The following CMC1 variants were observed in gnomAD, a reference collection of about 807,000 sequenced individuals.
CMC1 encodes the protein COX assembly mitochondrial protein homolog.
CMC1 carries 14 observed loss-of-function variants against 14.1 expected under a neutral mutation model. That is an observed-to-expected ratio of 0.99 (90% CI 0.66 to 1.55). CMC1 has a LOEUF of 1.55. Ranked by LOEUF, CMC1 falls within the 40% of genes most tolerant of loss-of-function variation. CMC1 has a pLI of 0.00. For missense variants in CMC1, 127 were observed against 123.8 expected (o/e 1.03, Z -0.12); for synonymous variants, 50 against 38.4 (o/e 1.30, Z -1.12).
intron 2 of CMC1, among the ~76,000 whole-genome samples, chr3:28,304,767 A>G (rs950209901): frequency 6.6e-6 from 1 of 152,092 alleles, no homozygotes; most frequent in Non-Finnish European, 1.5e-5. Flanking sequence ...GCAAGCCCCA[A>G]TTTTTATTCC....
chr3:28,266,390 T>A (rs1301979827), intron 2 of CMC1, among the ~76,000 whole-genome samples: 1 of 152,174 alleles, frequency 6.6e-6, no homozygotes, highest in Non-Finnish European at 1.5e-5. Context: ...TACAAAAAAA[T>A]TTTAGCTTTT....
intron 1 of CMC1, among the ~76,000 whole-genome samples, chr3:28,251,025 A>T (rs187604833): frequency 2.0e-5 from 3 of 152,212 alleles, no homozygotes; most frequent in African/African-American, 7.2e-5. Context: ...GGTGAAGGTG[A>T]TAGACGATCA....
At chr3:28,272,630 T>C (rs1199157468) in intron 2 of CMC1, among the ~76,000 whole-genome samples, 1 of 152,196 alleles carries the variant, frequency 6.6e-6, no homozygotes, top group Non-Finnish European at 1.5e-5. Context: ...GCCAGTATTT[T>C]ATTGAGGATT....
At chr3:28,283,551 CAAAAAAA>C (rs5847510) in intron 2 of CMC1, among the ~76,000 whole-genome samples, 1 of 118,282 alleles carries the variant, frequency 8.5e-6, no homozygotes, top group African/African-American at 3.1e-5. Flanking sequence ...ACAACAAAAA[CAAAAAAA>C]AAAAAAAAAG....
chr3:28,276,192 G>A, intron 2 of CMC1, among the ~76,000 whole-genome samples: 1 of 152,108 alleles, frequency 6.6e-6, no homozygotes, highest in Non-Finnish European at 1.5e-5. Context: ...CATTCTTGGT[G>A]GGAGCCTTTG....
At chr3:28,250,529 C>T (rs1476560532) in intron 1 of CMC1, among the ~76,000 whole-genome samples, 1 of 152,256 alleles carries the variant, frequency 6.6e-6, no homozygotes. Flanking sequence ...TGTTTGTAAA[C>T]CAGTTCCATC....
Position 28,322,752 on chromosome 3 carries a change from T to TAAG in CMC1, c.*3125_*3127dup, listed in dbSNP as rs1703225651. The TAAG allele has an allele frequency of 6.6e-6, 1 of 151,588 alleles. No homozygotes were observed. Among genetic ancestry groups the TAAG allele is most frequent in the South Asian group, 2.1e-4 (1 of 4,830 alleles). The allele number at this position is 151,588 out of a possible 1,614,324, so 9.4% of individuals were successfully genotyped here. ...AATCACAGACAAGCTTGAATAAGTG[T>TAAG]AAGATAATAGAAAAAAATATCTAGT... is the stretch of plus-strand genomic sequence containing the variant. On this transcript the variant is annotated 3_prime_UTR_variant, in exon 4 of 4. Coordinates refer to ENST00000466830, the MANE Select transcript of CMC1 (RefSeq NM_182523.2).
intron 2 of CMC1, among the ~76,000 whole-genome samples, chr3:28,272,755 C>T (rs140654504): frequency 6.6e-6 from 1 of 152,022 alleles, no homozygotes; most frequent in Admixed American, 6.6e-5. Flanking sequence ...GTGATCTTGG[C>T]TCACTGCAAA....
intron 2 of CMC1, among the ~76,000 whole-genome samples, chr3:28,313,057 A>C (rs1167317773): frequency 6.6e-6 from 1 of 151,926 alleles, no homozygotes. Flanking sequence ...GGATTTCACC[A>C]TGTTGGCCAG....
intron 2 of CMC1, among the ~76,000 whole-genome samples, chr3:28,297,636 G>C (rs557951226): frequency 6.6e-6 from 1 of 152,046 alleles, no homozygotes; most frequent in Non-Finnish European, 1.5e-5. Context: ...GAGCCATTAC[G>C]CAGACATGTT....
chr3:28,300,078 T>C (rs751778915), intron 2 of CMC1, among the ~76,000 whole-genome samples: 3 of 152,110 alleles, frequency 2.0e-5, no homozygotes, highest in Non-Finnish European at 4.4e-5. Context: ...GTATAACATG[T>C]CTGTTATTTC....
At chr3:28,285,368 G>GTAC (rs199903992) in intron 2 of CMC1, among the ~76,000 whole-genome samples, 18 of 151,814 alleles carry the variant, frequency 1.2e-4, no homozygotes, top group African/African-American at 3.9e-4. Flanking sequence ...ATTGTAGTAT[G>GTAC]AGATAAAGAG....
rs367816530 is a variant in CMC1 at position 28,263,242 on chromosome 3, C to G, written c.20-49C>G. On this transcript the variant is annotated intron_variant, in intron 1 of 3. Coordinates refer to ENST00000466830, the MANE Select transcript of CMC1 (RefSeq NM_182523.2). Reference sequence around the variant, plus strand: ...ACCAGAGTCTTATTTTTCCTTTAATCTGGTGATTTGCTTGAGACTTTATTA... The same window carrying G: ...ACCAGAGTCTTATTTTTCCTTTAATGTGGTGATTTGCTTGAGACTTTATTA... 35 of 1,329,776 alleles carry G rather than the reference C, an allele frequency of 2.6e-5. No homozygotes were observed. The African/African-American group carries it at 4.2e-4, about 16-fold the overall frequency. The allele number at this position is 1,329,776 out of a possible 1,614,324, so 82.4% of individuals were successfully genotyped here.
At chr3:28,241,926 T>C in intron 1 of CMC1, 114 bp downstream of exon 1, 1 of 1,067,544 alleles carries the variant, frequency 9.4e-7, no homozygotes, top group South Asian at 4.8e-5. Context: ...GTAGCATTGC[T>C]TCCACCAGCG....
intron 2 of CMC1, among the ~76,000 whole-genome samples, chr3:28,271,655 G>A (rs185872726): frequency 6.6e-5 from 10 of 152,178 alleles, no homozygotes; most frequent in Admixed American, 6.5e-4. Flanking sequence ...TGTTCTTTTT[G>A]CTTAGGATTG....
rs143714390 is a variant in CMC1, at chr3:28,251,758, T to C, written c.19+9946T>C. Among the ~76,000 whole-genome samples, 114 of 152,276 alleles carry C rather than the reference T, an allele frequency of 7.5e-4. 3 individuals carry two copies. The East Asian group carries it at 0.019, about 25-fold the overall frequency. On this transcript the variant is annotated intron_variant, in intron 1 of 3. Coordinates refer to ENST00000466830, the MANE Select transcript of CMC1 (RefSeq NM_182523.2). The stretch of plus-strand genomic sequence containing the variant: ...GATAAAAGAAGAACCAGTAGTAACA[T>C]GGTGGAGAGAGGCTTGAGGAACATT...
chr3:28,268,196 G>A (rs1700102735), intron 2 of CMC1, among the ~76,000 whole-genome samples: 1 of 152,200 alleles, frequency 6.6e-6, no homozygotes, highest in Non-Finnish European at 1.5e-5. Context: ...TGGATTGGTT[G>A]ATTCACTAGG....
At chr3:28,271,759 G>A (rs940249486) in intron 2 of CMC1, among the ~76,000 whole-genome samples, 1 of 152,078 alleles carries the variant, frequency 6.6e-6, no homozygotes, top group African/African-American at 2.4e-5. Context: ...GAATTCTAGT[G>A]GATGCTTGAC....
At chr3:28,297,798 G>T (rs754337991) in intron 2 of CMC1, among the ~76,000 whole-genome samples, 6 of 151,944 alleles carry the variant, frequency 3.9e-5, no homozygotes, top group African/African-American at 4.8e-5. Flanking sequence ...CAATGATCTG[G>T]AATAAAGTAA....
Sources: gnomAD v4.1 joint callset for allele counts (sites outside exome capture counted in the v4.1 genomes callset) on GRCh38, gnomAD v4.1.1 for gene constraint, MANE v1.5 for transcripts, NCBI Gene and HGNC (gene_info 2026-07-23, HGNC 2026-07-21) for gene names.